Variants in GARNL3 observed in about 807,000 individuals in gnomAD.
The protein encoded by GARNL3 is GTPase activating Rap/RanGAP domain like 3.
A neutral mutation model predicts 125.0 loss-of-function variants in GARNL3; 63 were observed. The observed-to-expected ratio is 0.50, with a 90% CI of 0.41 to 0.62. The LOEUF (loss-of-function observed/expected upper bound fraction) is 0.62, where lower values mean the gene tolerates loss of function less well. GARNL3 is among the 20% of genes least tolerant of loss of function. The pLI, the probability that GARNL3 is intolerant of heterozygous loss-of-function variation, is 0.00. For missense variants in GARNL3, 994 were observed against 1,244.0 expected, an observed-to-expected ratio of 0.80 and a Z score of 3.02; for synonymous variants, 439 against 457.5, an observed-to-expected ratio of 0.96 and a Z score of 0.52.
rs781618930 is a variant in GARNL3 at position 127,335,348 on chromosome 9, A to G, written c.873+15A>G. The G allele has an allele frequency of 4.5e-6, 7 of 1,544,462 alleles. No homozygotes were observed. The Admixed American group carries it at 1.2e-4, about 26-fold the overall frequency. On this transcript the variant is annotated intron_variant, in intron 10 of 27. Transcript: ENST00000373387. ...ACAAACAGCAGGTACATGTGAACAT[A>G]CAAACCATCAAATAGTGATGTGAAT... is the stretch of plus-strand genomic sequence containing the variant.
intron 2 of GARNL3, among the ~76,000 whole-genome samples, chr9:127,296,909 C>T (rs1386762102): frequency 3.3e-5 from 5 of 151,988 alleles, no homozygotes; most frequent in Non-Finnish European, 7.4e-5. Context: ...CAGCCACCCC[C>T]GATCCTGCAG....
chr9:127,355,862 A>T (rs7037767), intron 20 of GARNL3, among the ~76,000 whole-genome samples: 29,952 of 152,174 alleles, frequency 0.2, 3,147 homozygotes, highest in South Asian at 0.34. Flanking sequence ...GATTCTGTTT[A>T]GAAAGAATGT....
chr9:127,254,883 TA>T (rs2063470879), intron 2 of GARNL3, among the ~76,000 whole-genome samples: 1 of 151,162 alleles, frequency 6.6e-6, no homozygotes, highest in Admixed American at 6.6e-5. Context: ...AAAAGGCCAA[TA>T]AGGAAAGAAA....
intron 23 of GARNL3, 36 bp downstream of exon 23, chr9:127,383,581 C>T: frequency 7.3e-7 from 1 of 1,372,942 alleles, no homozygotes; most frequent in South Asian, 1.2e-5. Flanking sequence ...TTTTCTCCTT[C>T]ATGGATATGT....
In GARNL3 at chr9:127,290,961, G is replaced by T. The variant is rs1197854168; in HGVS notation, c.145-207G>T. 4.6e-5 allele frequency among the ~76,000 whole-genome samples: 7 copies of T among 152,310 alleles called. No individual in the cohort carries two copies. In the East Asian group the frequency reaches 1.4e-3, roughly 29 times the overall value. On this transcript the variant is annotated intron_variant, in intron 1 of 27. Coordinates refer to ENST00000373387, the MANE Select transcript of GARNL3 (RefSeq NM_032293.5). ...ATGCTCTTGTTTTTCCACTCTTGCA[G>T]GTTAGGCATTCCTTACTCTTGGGTT...
intron 5 of GARNL3, 87 bp downstream of exon 5, chr9:127,318,214 T>A: frequency 1.2e-6 from 1 of 848,428 alleles, no homozygotes; most frequent in Non-Finnish European, 2.1e-6. Context: ...ATGTTACCTT[T>A]CCATTGTCTT....
At chr9:127,271,156 A>G (rs1002694505) in intron 1 of GARNL3, among the ~76,000 whole-genome samples, 3 of 150,316 alleles carry the variant, frequency 2.0e-5, no homozygotes, top group Admixed American at 6.6e-5. Context: ...ACATTCCTTC[A>G]TATAGCGAGA....
intron 1 of GARNL3, chr9:127,224,825 G>A (rs954059686): frequency 1.3e-5 from 2 of 150,518 alleles, no homozygotes; most frequent in African/African-American, 2.5e-5. Flanking sequence ...GGCGTTTTGG[G>A]CCTGTGGGCC....
chr9:127,283,378 A>T (rs1472222558), intron 1 of GARNL3, among the ~76,000 whole-genome samples: 1 of 152,232 alleles, frequency 6.6e-6, no homozygotes, highest in African/African-American at 2.4e-5. Flanking sequence ...TGTTAATTAA[A>T]ATTAAATCTA....
chr9:127,344,329 G>C lies in GARNL3; in HGVS notation c.1346G>C (p.Arg449Thr). The C allele has an allele frequency of 6.2e-7, 1 of 1,612,302 alleles. No homozygotes were observed. The highest frequency in any genetic ancestry group is 8.5e-7 in the Non-Finnish European group (1 of 1,178,258). Reference protein sequence around the residue: ...KEEARQAEFVRIGQALKLKSI... With the variant: ...KEEARQAEFVTIGQALKLKSI... ...GAGGCCCGCCAGGCGGAGTTTGTTA[G>C]AATAGGGCAGGTGGGTTTTCTTCTG... is the stretch of plus-strand genomic sequence containing the variant. The change falls in exon 15 of 28, where the codon AGA (arginine) becomes ACA (threonine). Residue 449 changes from arginine to threonine, a missense_variant. Arg to Thr is a moderately conservative substitution (Grantham distance 71). This residue lies in a region of GARNL3 where 728 missense variants were observed against 865.7 expected (regional missense o/e 0.84). Coordinates refer to ENST00000373387, the MANE Select transcript of GARNL3 (RefSeq NM_032293.5).
intron 24 of GARNL3, 42 bp from the exon 25 acceptor site, chr9:127,387,151 A>G (rs375200781): frequency 6.9e-6 from 11 of 1,590,684 alleles, no homozygotes; most frequent in Middle Eastern, 3.5e-4. Context: ...TGCAAGGCCT[A>G]GAACACCAGG....
In GARNL3 at chr9:127,344,246, T is replaced by C. The variant is rs368036389; in HGVS notation, c.1263T>C (p.Asn421=). Residue 421 remains asparagine (N), a synonymous_variant, in exon 15 of 28, where the codon AAT becomes AAC. Transcript: ENST00000373387. Reference sequence around the variant, plus strand: ...TTTTTCTTTTTTAGAACATGCTTAATAGACGATCTTTTAGTGATGTCTTAC... The same window carrying C: ...TTTTTCTTTTTTAGAACATGCTTAACAGACGATCTTTTAGTGATGTCTTAC... ...LMPDLHKNML[N]RRSFSDVLPE... is the part of the protein sequence containing the mutation. 35 of 1,609,178 alleles carry C rather than the reference T, an allele frequency of 2.2e-5. No individual in the cohort carries two copies. The highest frequency in any genetic ancestry group is 2.9e-5 in the Non-Finnish European group (34 of 1,177,760).
At chr9:127,227,094 G>A (rs2062926871) in intron 1 of GARNL3, among the ~76,000 whole-genome samples, 1 of 152,178 alleles carries the variant, frequency 6.6e-6, no homozygotes, top group Non-Finnish European at 1.5e-5. Context: ...AACCGCCTAG[G>A]ACTAAAGTCT....
At chr9:127,237,073 G>A (rs1219293780) in intron 1 of GARNL3, among the ~76,000 whole-genome samples, 4 of 152,224 alleles carry the variant, frequency 2.6e-5, no homozygotes, top group Non-Finnish European at 4.4e-5. Context: ...AGGGAATTAA[G>A]TGTGTACAAG....
intron 2 of GARNL3, among the ~76,000 whole-genome samples, chr9:127,305,562 T>G (rs2064930110): frequency 1.3e-5 from 2 of 151,838 alleles, no homozygotes; most frequent in Admixed American, 1.3e-4. Flanking sequence ...TTATTTTAAT[T>G]TTTTTTAATT....
chr9:127,259,478 C>G (rs1172491317), upstream of GARNL3, among the ~76,000 whole-genome samples: 1 of 152,044 alleles, frequency 6.6e-6, no homozygotes, highest in Non-Finnish European at 1.5e-5. Context: ...GTCTCTTCCC[C>G]TTGTCATGGC....
chr9:127,390,674 G>A lies in GARNL3; in HGVS notation c.2777G>A (p.Gly926Glu). The A allele has an allele frequency of 6.2e-7, 1 of 1,613,946 alleles. No homozygotes were observed. The highest frequency in any genetic ancestry group is 8.5e-7 in the Non-Finnish European group (1 of 1,179,878). The change falls in exon 27 of 28, where the codon GGA (glycine) becomes GAA (glutamate). Residue 926 changes from glycine to glutamate, a missense_variant. Gly to Glu is a moderately conservative substitution (Grantham distance 98). This residue lies in a region of GARNL3 where 728 missense variants were observed against 865.7 expected (regional missense o/e 0.84). Coordinates refer to ENST00000373387, the MANE Select transcript of GARNL3 (RefSeq NM_032293.5). ...LSDEGGPKSE[G>E]APKAKSKPRK... ...GATGAAGGTGGACCCAAGTCAGAAG[G>A]AGCGCCAAAGGCCAAATCAAAACCC...
intron 17 of GARNL3, among the ~76,000 whole-genome samples, chr9:127,349,799 T>C (rs115313276): frequency 0.012 from 1,819 of 152,266 alleles, 46 homozygotes; most frequent in African/African-American, 0.042. Flanking sequence ...ACAGAGACAA[T>C]GTCTCCAAAG....
At chr9:127,281,317 T>C (rs570165467) in intron 1 of GARNL3, among the ~76,000 whole-genome samples, 1 of 152,200 alleles carries the variant, frequency 6.6e-6, no homozygotes, top group South Asian at 2.1e-4. Context: ...GAATATGAGC[T>C]CAGGCTGTCA....
Sources: gnomAD v4.1 joint callset for allele counts (sites outside exome capture counted in the v4.1 genomes callset) on GRCh38, gnomAD v4.1.1 for gene constraint, gnomAD v4.1.1 regional missense constraint, MANE v1.5 for transcripts, NCBI Gene and HGNC (gene_info 2026-07-23, HGNC 2026-07-21) for gene names.